Variants in ITGBL1 observed in about 807,000 individuals in gnomAD.
The protein encoded by ITGBL1 is integrin subunit beta like 1.
ITGBL1 carries 51 observed loss-of-function variants against 68.5 expected under a neutral mutation model. The observed-to-expected ratio is 0.74, with a 90% confidence interval of 0.59 to 0.94. The LOEUF is 0.94. Ranked by LOEUF, ITGBL1 falls within the 40% of genes least tolerant of loss-of-function variation. The pLI, the probability that ITGBL1 is intolerant of heterozygous loss-of-function variation, is 0.00. For missense variants in ITGBL1, 649 were observed against 647.4 expected (o/e 1.00, Z -0.03); for synonymous variants, 209 against 227.3 (o/e 0.92, Z 0.72).
chr13:101,552,135 G>A (rs955821476), intron 2 of ITGBL1, among the ~76,000 whole-genome samples: 22 of 152,148 alleles, frequency 1.4e-4, no homozygotes, highest in Non-Finnish European at 3.1e-4. Context: ...GCATACCTGA[G>A]TACAGTTTGC....
chr13:101,515,316 C>T (rs1328645002), intron 2 of ITGBL1, among the ~76,000 whole-genome samples: 1 of 151,786 alleles, frequency 6.6e-6, no homozygotes, highest in Admixed American at 6.6e-5. Flanking sequence ...AAATAATCCT[C>T]TATTAAAACC....
intron 7 of ITGBL1, among the ~76,000 whole-genome samples, chr13:101,605,569 C>A (rs558616750): frequency 1.3e-5 from 2 of 150,628 alleles, no homozygotes; most frequent in Admixed American, 6.6e-5. Context: ...TATGTATATG[C>A]GTATATATAC....
intron 2 of ITGBL1, among the ~76,000 whole-genome samples, chr13:101,506,504 G>T (rs1228656372): frequency 6.6e-6 from 1 of 152,142 alleles, no homozygotes; most frequent in Non-Finnish European, 1.5e-5. Context: ...GATTTGCCAA[G>T]TATTCAGGGT....
chr13:101,475,427 C>T (rs2048521248), intron 2 of ITGBL1, among the ~76,000 whole-genome samples: 2 of 152,050 alleles, frequency 1.3e-5, no homozygotes, highest in South Asian at 2.1e-4. Context: ...CTTACAAGAC[C>T]CAGAAAATAG....
At chr13:101,478,057 C>T (rs1264039421) in intron 2 of ITGBL1, among the ~76,000 whole-genome samples, 1 of 151,924 alleles carries the variant, frequency 6.6e-6, no homozygotes, top group African/African-American at 2.4e-5. Context: ...GGCCAATATC[C>T]CTGATAAGCA....
chr13:101,683,724 A>C (rs1225677446), intron 7 of ITGBL1, among the ~76,000 whole-genome samples: 1 of 151,972 alleles, frequency 6.6e-6, no homozygotes, highest in East Asian at 1.9e-4. Context: ...AACCATTGCC[A>C]ATGCTTATTA....
At chr13:101,707,782 C>T (rs186024556) in intron 9 of ITGBL1, among the ~76,000 whole-genome samples, 53 of 149,238 alleles carry the variant, frequency 3.6e-4, no homozygotes, top group East Asian at 3.0e-3. Flanking sequence ...AAACCCAGGA[C>T]GTGGAGGTCG....
intron 3 of ITGBL1, among the ~76,000 whole-genome samples, chr13:101,572,766 G>C (rs954622629): frequency 6.6e-6 from 1 of 151,944 alleles, no homozygotes; most frequent in Non-Finnish European, 1.5e-5. Context: ...GCTGCCTATG[G>C]GGGACTTCAG....
intron 7 of ITGBL1, among the ~76,000 whole-genome samples, chr13:101,688,930 G>C (rs2139546175): frequency 6.6e-6 from 1 of 151,996 alleles, no homozygotes; most frequent in East Asian, 1.9e-4. Context: ...CGGGCATAGT[G>C]GCTCACACCT....
intron 2 of ITGBL1, among the ~76,000 whole-genome samples, chr13:101,513,220 G>A (rs767359242): frequency 7.2e-5 from 11 of 152,018 alleles, no homozygotes; most frequent in Non-Finnish European, 1.6e-4. Context: ...TGTGAAGAGG[G>A]ATATTTAAAA....
chr13:101,710,761 C>T (rs1005707240), intron 9 of ITGBL1: 1 of 152,158 alleles, frequency 6.6e-6, no homozygotes, highest in Non-Finnish European at 1.5e-5. Flanking sequence ...AAGGCTGAAA[C>T]GTGCACTTCC....
At chr13:101,579,976 C>A (rs921467592) in intron 5 of ITGBL1, among the ~76,000 whole-genome samples, 1 of 152,088 alleles carries the variant, frequency 6.6e-6, no homozygotes, top group Non-Finnish European at 1.5e-5. Context: ...ACTGACTTTA[C>A]AAAGGAAGTT....
At chr13:101,634,139 T>C (rs1271164114) in intron 7 of ITGBL1, among the ~76,000 whole-genome samples, 1 of 152,206 alleles carries the variant, frequency 6.6e-6, no homozygotes, top group Non-Finnish European at 1.5e-5. Context: ...GAATTGGCTT[T>C]CTCATTCAAA....
At chr13:101,507,214 A>T (rs546855296) in intron 2 of ITGBL1, among the ~76,000 whole-genome samples, 133 of 152,268 alleles carry the variant, frequency 8.7e-4, no homozygotes, top group African/African-American at 3.0e-3. Flanking sequence ...AGAGCTATTT[A>T]TTCCCTGCTT....
intron 7 of ITGBL1, among the ~76,000 whole-genome samples, chr13:101,673,467 T>A (rs180772044): frequency 7.7e-4 from 118 of 152,296 alleles, no homozygotes; most frequent in African/African-American, 2.6e-3. Flanking sequence ...ATATTTGTGC[T>A]ATTGCCAATA....
At chr13:101,628,568 G>T (rs1400882347) in intron 7 of ITGBL1, among the ~76,000 whole-genome samples, 1 of 150,476 alleles carries the variant, frequency 6.6e-6, no homozygotes, top group Admixed American at 6.6e-5. Context: ...GAGTAGCTGG[G>T]ACTACAGGCG....
chr13:101,548,537 CA>C (rs763937714), intron 2 of ITGBL1, among the ~76,000 whole-genome samples: 6 of 151,720 alleles, frequency 4.0e-5, no homozygotes, highest in Admixed American at 3.3e-4. Context: ...TAGTCTTCCC[CA>C]AAAAGCAGCA....
At chr13:101,637,261 G>A (rs1299796759) in intron 7 of ITGBL1, among the ~76,000 whole-genome samples, 1 of 151,670 alleles carries the variant, frequency 6.6e-6, no homozygotes, top group African/African-American at 2.4e-5. Context: ...GTGTATGTAT[G>A]TAACCATACT....
At chr13:101,696,094 G>T (rs2033996126) in intron 8 of ITGBL1, among the ~76,000 whole-genome samples, 1 of 145,494 alleles carries the variant, frequency 6.9e-6, no homozygotes, top group South Asian at 2.2e-4. Context: ...GTGCATATGG[G>T]CTGTGTTATC....
Sources: gnomAD v4.1 joint callset for allele counts (sites outside exome capture counted in the v4.1 genomes callset) on GRCh38, gnomAD v4.1.1 for gene constraint, MANE v1.5 for transcripts, NCBI Gene and HGNC (gene_info 2026-07-23, HGNC 2026-07-21) for gene names.